The following NRG3 variants were observed in gnomAD, a reference collection of about 807,000 sequenced individuals.
The protein encoded by NRG3 is neuregulin 3.
NRG3 carries 31 observed loss-of-function variants against 66.9 expected under a neutral mutation model. The observed-to-expected ratio is 0.46, with a 90% CI of 0.35 to 0.63. The LOEUF (loss-of-function observed/expected upper bound fraction) is 0.63. Ranked by LOEUF, NRG3 falls within the 20% of genes least tolerant of loss-of-function variation. NRG3 has a pLI of 0.00. For synonymous variants in NRG3, 393 were observed against 359.4 expected (o/e 1.09, Z -1.06); for missense variants, 910 against 878.9 (o/e 1.04, Z -0.45).
intron 1 of NRG3, among the ~76,000 whole-genome samples, chr10:82,349,096 C>A (rs1042441648): frequency 6.6e-5 from 10 of 152,202 alleles, no homozygotes; most frequent in Admixed American, 5.9e-4. Flanking sequence ...AGCTTTGTTT[C>A]GTTGCTGGTG....
At chr10:82,697,531 G>C (rs767831504) in intron 2 of NRG3, among the ~76,000 whole-genome samples, 2 of 152,144 alleles carry the variant, frequency 1.3e-5, no homozygotes, top group Non-Finnish European at 2.9e-5. Context: ...AGAGCTCAGA[G>C]ATACAAACAA....
At chr10:82,852,988 C>A (rs190908312) in intron 3 of NRG3, among the ~76,000 whole-genome samples, 3 of 152,142 alleles carry the variant, frequency 2.0e-5, no homozygotes, top group Admixed American at 6.5e-5. Context: ...TTTAAAAAAT[C>A]TTTTTATTGG....
chr10:82,499,841 T>A (rs1030029408), intron 2 of NRG3, among the ~76,000 whole-genome samples: 50 of 152,190 alleles, frequency 3.3e-4, no homozygotes, highest in Admixed American at 2.7e-3. Context: ...AAATTCTCAC[T>A]CCACGGTGTA....
chr10:82,546,287 C>A (rs997348713), intron 2 of NRG3, among the ~76,000 whole-genome samples: 3 of 152,126 alleles, frequency 2.0e-5, no homozygotes, highest in Non-Finnish European at 4.4e-5. Context: ...CACTAGATTT[C>A]TTTGTTCATC....
intron 1 of NRG3, among the ~76,000 whole-genome samples, chr10:82,190,506 A>T (rs1214282394): frequency 6.6e-6 from 1 of 152,202 alleles, no homozygotes; most frequent in Non-Finnish European, 1.5e-5. Flanking sequence ...TATAGAAATA[A>T]CTGTAAAAAC....
At chr10:82,469,264 A>G (rs1182298843) in intron 2 of NRG3, among the ~76,000 whole-genome samples, 4 of 152,038 alleles carry the variant, frequency 2.6e-5, no homozygotes, top group Non-Finnish European at 4.4e-5. Context: ...CCTGCTATGA[A>G]CACTTATTGA....
chr10:82,680,089 A>G (rs1445049316), intron 2 of NRG3, among the ~76,000 whole-genome samples: 1 of 152,186 alleles, frequency 6.6e-6, no homozygotes, highest in Non-Finnish European at 1.5e-5. Context: ...AATTTTACCA[A>G]TCACCAAACA....
intron 1 of NRG3, among the ~76,000 whole-genome samples, chr10:82,349,419 C>T (rs1182383846): frequency 4.0e-5 from 6 of 150,866 alleles, no homozygotes; most frequent in African/African-American, 7.3e-5. Context: ...GCAGTCTGCC[C>T]GTTCTCAGAT....
At chr10:82,829,506 A>C (rs2062407739) in intron 3 of NRG3, among the ~76,000 whole-genome samples, 1 of 152,180 alleles carries the variant, frequency 6.6e-6, no homozygotes, top group African/African-American at 2.4e-5. Context: ...GAGGCATAGT[A>C]AACTATGACA....
chr10:82,964,724 G>A (rs918815834), intron 6 of NRG3, among the ~76,000 whole-genome samples: 1 of 152,166 alleles, frequency 6.6e-6, no homozygotes, highest in South Asian at 2.1e-4. Context: ...AATGCAGAGA[G>A]AAAGACATTT....
chr10:82,919,932 G>T (rs1278626955), intron 4 of NRG3, among the ~76,000 whole-genome samples: 3 of 150,542 alleles, frequency 2.0e-5, no homozygotes, highest in Admixed American at 1.3e-4. Flanking sequence ...AAAAAAAAAA[G>T]CACAGATAGG....
At chr10:82,310,012 T>G (rs2080941525) in intron 1 of NRG3, among the ~76,000 whole-genome samples, 1 of 152,184 alleles carries the variant, frequency 6.6e-6, no homozygotes, top group Admixed American at 6.5e-5. Flanking sequence ...CTTCCTACTT[T>G]TGCTGTAACT....
chr10:82,898,715 C>CTTTTTTTTT (rs765058089), intron 4 of NRG3, among the ~76,000 whole-genome samples: 1 of 89,398 alleles, frequency 1.1e-5, no homozygotes. Context: ...GGAGTTTTAC[C>CTTTTTTTTT]TTTTTTTTTT....
At chr10:82,572,480 G>A (rs371799938) in intron 2 of NRG3, among the ~76,000 whole-genome samples, 3 of 151,576 alleles carry the variant, frequency 2.0e-5, no homozygotes, top group African/African-American at 7.3e-5. Flanking sequence ...CAGGCCCTTT[G>A]CAGTAATAGT....
At chr10:82,565,058 A>G (rs992348909) in intron 2 of NRG3, among the ~76,000 whole-genome samples, 8 of 152,128 alleles carry the variant, frequency 5.3e-5, no homozygotes, top group South Asian at 4.1e-4. Context: ...AGAGTTTGTC[A>G]TAAGGATACG....
chr10:82,036,475 T>C (rs1266203679), intron 1 of NRG3, among the ~76,000 whole-genome samples: 4 of 152,122 alleles, frequency 2.6e-5, no homozygotes, highest in Non-Finnish European at 5.9e-5. Flanking sequence ...TTCCTCGTTG[T>C]AAGGGGTTGC....
intron 4 of NRG3, among the ~76,000 whole-genome samples, chr10:82,872,069 G>T (rs560827220): frequency 6.6e-6 from 1 of 152,192 alleles, no homozygotes; most frequent in African/African-American, 2.4e-5. Flanking sequence ...TCTTCATCAA[G>T]TTGAGAAAGT....
chr10:82,971,623 G>C (rs2132564641), intron 6 of NRG3, among the ~76,000 whole-genome samples: 1 of 152,086 alleles, frequency 6.6e-6, no homozygotes, highest in South Asian at 2.1e-4. Context: ...TTTTAGTAGA[G>C]ACAGGGTTTC....
intron 2 of NRG3, among the ~76,000 whole-genome samples, chr10:82,581,288 A>G (rs1031862513): frequency 6.6e-6 from 1 of 151,944 alleles, no homozygotes; most frequent in Admixed American, 6.6e-5. Flanking sequence ...TTGTTTCTTT[A>G]CTTATTGTTC....
Sources: allele counts gnomAD v4.1 joint callset (sites outside exome capture counted in the v4.1 genomes callset), GRCh38; gene constraint gnomAD v4.1.1; transcripts MANE v1.5; gene names NCBI Gene and HGNC (gene_info 2026-07-23, HGNC 2026-07-21).